EXOC4: variants seen among roughly 807,000 people sequenced by gnomAD.
EXOC4 encodes SEC8-like 1.
EXOC4 carries 71 observed loss-of-function variants against 107.2 expected under a neutral mutation model. That is an observed-to-expected ratio of 0.66 (90% CI 0.55 to 0.81). EXOC4 has a LOEUF of 0.81. Ranked by LOEUF, EXOC4 falls within the 30% of genes least tolerant of loss-of-function variation. The probability of loss-of-function intolerance (pLI) is 0.00; values close to 1 mark genes in which losing one functional copy is unlikely to be tolerated. For missense variants in EXOC4, 1,108 were observed against 1,189.6 expected (o/e 0.93, Z 1.01); for synonymous variants, 456 against 441.2 (o/e 1.03, Z -0.42).
the EXOC4 span, among the ~76,000 whole-genome samples, chr7:134,075,299 C>A: frequency 7.3e-4 from 111 of 152,288 alleles, no homozygotes; most frequent in African/African-American, 2.6e-3. Context: ...ATATCTTGCT[C>A]TCCCTCTTCC....
intron 7 of EXOC4, among the ~76,000 whole-genome samples, chr7:133,465,005 G>C (rs1157251344): frequency 1.3e-5 from 2 of 151,184 alleles, no homozygotes; most frequent in East Asian, 3.9e-4. Context: ...TTTTGGTAGA[G>C]ACACGGCCTC....
Position 133,461,623 on chromosome 7 carries a change from C to A in EXOC4, c.1183-13705C>A, listed in dbSNP as rs1165753198. Among the ~76,000 whole-genome samples, 3 of 152,050 alleles carry A rather than the reference C, an allele frequency of 2.0e-5. No homozygotes were observed. The East Asian group carries it at 5.8e-4, about 29-fold the overall frequency. On this transcript the variant is annotated intron_variant, in intron 7 of 17. Coordinates refer to ENST00000253861, the MANE Select transcript of EXOC4 (RefSeq NM_021807.4). ...CCAAGATGCATTAACTCTTTCAGGT[C>A]GTTAGGGTGGCACTTATCTCATTGG...
At chr7:133,702,852 T>C (rs956161477) in intron 10 of EXOC4, among the ~76,000 whole-genome samples, 6 of 152,218 alleles carry the variant, frequency 3.9e-5, no homozygotes, top group Non-Finnish European at 8.8e-5. Flanking sequence ...AGTAAGCTCA[T>C]CACATATTTG....
intron 7 of EXOC4, among the ~76,000 whole-genome samples, chr7:133,433,713 A>G (rs1797905448): frequency 6.6e-6 from 1 of 152,212 alleles, no homozygotes; most frequent in African/African-American, 2.4e-5. Context: ...TCCATGTAGC[A>G]TCAAGAACTT....
chr7:133,411,441 A>G lies in EXOC4; in HGVS notation c.1182+36439A>G, dbSNP rs184973071. 1.1e-4 allele frequency among the ~76,000 whole-genome samples: 16 copies of G among 152,244 alleles called. No homozygotes were observed. In the East Asian group the frequency reaches 3.1e-3, roughly 29 times the overall value. The stretch of plus-strand genomic sequence containing the variant: ...TAGTTTGTAATGTCATTAGAAGTAA[A>G]CTCAATAATTCTTATTACTATAGAA... On this transcript the variant is annotated intron_variant, in intron 7 of 17. Coordinates refer to ENST00000253861, the MANE Select transcript of EXOC4 (RefSeq NM_021807.4).
intron 7 of EXOC4, among the ~76,000 whole-genome samples, chr7:133,474,078 GTTA>G (rs1269601347): frequency 6.6e-6 from 1 of 152,030 alleles, no homozygotes; most frequent in Non-Finnish European, 1.5e-5. Context: ...CTTACATTGT[GTTA>G]TTATTGATAG....
Position 133,692,456 on chromosome 7 carries a change from G to A in EXOC4, c.1514+62315G>A, listed in dbSNP as rs539766216. ...GTACAACTCTTTAACACCACCTCCT[G>A]CCCTGGGACACTCACAGGGTCTTTG... is the stretch of plus-strand genomic sequence containing the variant. On this transcript the variant is annotated intron_variant, in intron 10 of 17. Transcript: ENST00000253861. Among the ~76,000 whole-genome samples the A allele has an allele frequency of 2.2e-4, 33 of 152,188 alleles. No individual in the cohort carries two copies. In the South Asian group the frequency reaches 6.4e-3, roughly 30 times the overall value.
chr7:133,306,129 C>CTAGAA, intron 4 of EXOC4, 68 bp downstream of exon 4: 1 of 1,326,834 alleles, frequency 7.5e-7, no homozygotes, highest in South Asian at 1.6e-5. Context: ...TTTTTGTTTC[C>CTAGAA]CAGAATGTTG....
chr7:133,345,410 C>T (rs1459540552), intron 5 of EXOC4, among the ~76,000 whole-genome samples: 1 of 152,104 alleles, frequency 6.6e-6, no homozygotes, highest in Non-Finnish European at 1.5e-5. Flanking sequence ...TTAAATACTG[C>T]AACCTAAAAC....
At chr7:133,544,177 C>T (rs1251882954) in intron 9 of EXOC4, among the ~76,000 whole-genome samples, 1 of 151,924 alleles carries the variant, frequency 6.6e-6, no homozygotes, top group Non-Finnish European at 1.5e-5. Flanking sequence ...ATACTTGCAG[C>T]CTGAGAAATA....
chr7:133,844,242 T>C (rs1798077251), intron 11 of EXOC4, among the ~76,000 whole-genome samples: 1 of 152,132 alleles, frequency 6.6e-6, no homozygotes, highest in Non-Finnish European at 1.5e-5. Flanking sequence ...GGCTCTTCTT[T>C]ATACATCTGG....
At chr7:133,510,888 T>A (rs1248446387) in intron 9 of EXOC4, among the ~76,000 whole-genome samples, 3 of 152,212 alleles carry the variant, frequency 2.0e-5, no homozygotes, top group Admixed American at 2.0e-4. Flanking sequence ...CTCATATGGT[T>A]TGGCAAGTAA....
chr7:133,499,994 C>A (rs1359435881), intron 9 of EXOC4, among the ~76,000 whole-genome samples: 38 of 150,722 alleles, frequency 2.5e-4, no homozygotes, highest in Admixed American at 2.3e-3. Context: ...TCTATTATAG[C>A]TAAGGAAAAA....
intron 11 of EXOC4, among the ~76,000 whole-genome samples, chr7:133,887,949 G>A (rs1390160981): frequency 6.6e-6 from 1 of 152,152 alleles, no homozygotes; most frequent in African/African-American, 2.4e-5. Flanking sequence ...TCAGGGTGAA[G>A]CTGCAGTGCT....
chr7:134,065,000 T>G lies in EXOC4; in HGVS notation c.*472T>G, dbSNP rs1796151308. ...TCCGTTTACAGTTCAATGAAATAAG[T>G]GTATGTGCATTGCTGTCTGTCTCTA... On this transcript the variant is annotated 3_prime_UTR_variant, in exon 18 of 18. Coordinates refer to ENST00000253861, the MANE Select transcript of EXOC4 (RefSeq NM_021807.4). 6.6e-6 allele frequency: 1 copy of G among 152,660 alleles called. No individual in the cohort carries two copies. The highest frequency in any genetic ancestry group is 6.5e-5 in the Admixed American group (1 of 15,290). 9.5% of individuals were successfully genotyped at this position (152,660 alleles called of 1,614,324 possible). A position where few individuals can be genotyped will look rare whatever the true frequency, so the allele number is the denominator to read the frequency against.
intron 9 of EXOC4, among the ~76,000 whole-genome samples, chr7:133,537,361 T>C (rs1800293518): frequency 0.015 from 1 of 68 alleles, no homozygotes; most frequent in African/African-American, 0.12. Flanking sequence ...TTTCCCCATA[T>C]TGGGCCAACC....
rs138242146 is a variant in EXOC4 at position 133,830,244 on chromosome 7, G to C, written c.1734+12700G>C. On this transcript the variant is annotated intron_variant, in intron 11 of 17. Transcript: ENST00000253861. ...TTTGTTGTCCCCTTGGTCATTTCAA[G>C]GTCAAGGCTGCCTATCAGGCACTCG... Among the ~76,000 whole-genome samples the C allele has an allele frequency of 4.4e-3, 677 of 152,234 alleles. 4 individuals carry two copies. Among genetic ancestry groups the C allele is most frequent in the African/African-American group, 0.015 (614 of 41,534 alleles).
intron 1 of EXOC4, chr7:133,253,885 A>G (rs988366171): frequency 3.9e-5 from 6 of 152,160 alleles, no homozygotes; most frequent in Non-Finnish European, 8.8e-5. Flanking sequence ...ATCTTTTAGG[A>G]GCTTTTTTTT....
intron 10 of EXOC4, among the ~76,000 whole-genome samples, chr7:133,640,739 C>T (rs1380390082): frequency 6.6e-6 from 1 of 152,070 alleles, no homozygotes; most frequent in African/African-American, 2.4e-5. Flanking sequence ...TCTGATCAGT[C>T]AGTGAAAAGA....
Sources: allele counts gnomAD v4.1 joint callset (sites outside exome capture counted in the v4.1 genomes callset), GRCh38; gene constraint gnomAD v4.1.1; transcripts MANE v1.5; gene names NCBI Gene and HGNC (gene_info 2026-07-23, HGNC 2026-07-21).